The following USP54 variants were observed in gnomAD, a reference collection of about 807,000 sequenced individuals.
The protein encoded by USP54 is ubiquitin carboxyl-terminal hydrolase 54.
In USP54, 87 loss-of-function variants were observed where a neutral mutation model predicts 170.5. The ratio of observed to expected loss-of-function variants is 0.51; its 90% CI spans 0.43 to 0.61. The LOEUF (loss-of-function observed/expected upper bound fraction) is 0.61, where lower values mean the gene tolerates loss of function less well. Among genes scored for constraint, USP54 ranks in the 20% least tolerant of loss-of-function variants. USP54 has a pLI of 0.00. For missense variants in USP54, 1,786 were observed against 2,047.8 expected (o/e 0.87, Z 2.47); for synonymous variants, 655 against 742.8 (o/e 0.88, Z 1.92).
At chr10:73,584,423 C>T (rs2077246395) in intron 1 of USP54, among the ~76,000 whole-genome samples, 1 of 151,942 alleles carries the variant, frequency 6.6e-6, no homozygotes, top group Non-Finnish European at 1.5e-5. Flanking sequence ...AGTTTGTGAT[C>T]CTACAATCCA....
intron 23 of USP54, among the ~76,000 whole-genome samples, 197 bp downstream of exon 23, chr10:73,500,458 T>C (rs922316261): frequency 1.3e-5 from 2 of 152,230 alleles, no homozygotes; most frequent in African/African-American, 4.8e-5. Context: ...TCTAAACCCT[T>C]GGTCTAAGAA....
chr10:73,606,541 A>C (rs2079645019), intron 1 of USP54: 1 of 152,204 alleles, frequency 6.6e-6, no homozygotes, highest in Non-Finnish European at 1.5e-5. Context: ...TGCTTTTCTC[A>C]TTTCAAAAAA....
intron 5 of USP54, 93 bp downstream of exon 5, chr10:73,545,445 G>GCA: frequency 6.6e-7 from 1 of 1,508,018 alleles, no homozygotes; most frequent in South Asian, 1.2e-5. Flanking sequence ...AGAGATAAGG[G>GCA]CACAGCAAAT....
chr10:73,564,901 C>CAAAAA (rs199823108), intron 4 of USP54, among the ~76,000 whole-genome samples: 1 of 66,436 alleles, frequency 1.5e-5, no homozygotes, highest in African/African-American at 6.0e-5. Flanking sequence ...TCATCTCTAC[C>CAAAAA]AAAAAAAAAA....
At position 73,575,634 on chromosome 10, in the gene USP54, A is replaced by T. The variant is rs1333668522; in HGVS notation, c.25T>A (p.Ser9Thr). 6.2e-7 allele frequency: 1 copy of T among 1,609,560 alleles called. No individual in the cohort carries two copies. The highest frequency in any genetic ancestry group is 2.2e-5 in the East Asian group (1 of 44,822). ...CCTTGTACACTACCACGACCCCCTG[A>T]AAAATAATTTCTCTTCCAAGACATT... is the stretch of plus-strand genomic sequence containing the variant. MSWKRNYF[S>T]GGRGSVQGMF... Residue 9 changes from serine (S) to threonine (T), a missense_variant, in exon 3 of 24, where the codon TCA becomes ACA. This residue lies in a region of USP54 where 361 missense variants were observed against 455.0 expected (regional missense o/e 0.79). Coordinates refer to ENST00000687698, the MANE Select transcript of USP54 (RefSeq NM_001391956.1).
intron 1 of USP54, among the ~76,000 whole-genome samples, chr10:73,583,755 TAAA>T (rs577232389): frequency 1.4e-5 from 2 of 140,802 alleles, no homozygotes; most frequent in African/African-American, 5.2e-5. Flanking sequence ...TCTTTAAAAA[TAAA>T]AAAAAAATAA....
chr10:73,575,690 G>C lies in USP54; in HGVS notation c.-17-15C>G. On this transcript the variant is annotated splice_polypyrimidine_tract_variant and intron_variant, in intron 2 of 23. Coordinates refer to ENST00000687698, the MANE Select transcript of USP54 (RefSeq NM_001391956.1). ...TCACATTTAGCCTGAAAAAAAAATGGAGAAGGATTTGTGCCTTTTTGGCAG... is the reference window on the plus strand; with the variant it reads ...TCACATTTAGCCTGAAAAAAAAATGCAGAAGGATTTGTGCCTTTTTGGCAG... 6.5e-7 allele frequency: 1 copy of C among 1,542,500 alleles called. No homozygotes were observed. The highest frequency in any genetic ancestry group is 2.3e-5 in the East Asian group (1 of 42,890).
intron 1 of USP54, among the ~76,000 whole-genome samples, chr10:73,608,031 G>A (rs1430166385): frequency 6.6e-6 from 1 of 152,086 alleles, no homozygotes; most frequent in Non-Finnish European, 1.5e-5. Context: ...GGAGGCCAAG[G>A]CGGGTGGATC....
At chr10:73,520,215 TA>T in intron 18 of USP54, 1 of 601,526 alleles carries the variant, frequency 1.7e-6, no homozygotes. Flanking sequence ...TAATCCAAAT[TA>T]AAAAAACAAA....
chr10:73,534,514 T>A (rs1355752984), intron 12 of USP54, 86 bp downstream of exon 12: 5 of 1,485,722 alleles, frequency 3.4e-6, no homozygotes, highest in Admixed American at 2.0e-5. Flanking sequence ...TGTGAGCCAC[T>A]GCGCCTGGCC....
At chr10:73,605,559 T>A (rs558458521) in intron 1 of USP54, among the ~76,000 whole-genome samples, 3 of 152,098 alleles carry the variant, frequency 2.0e-5, no homozygotes, top group Non-Finnish European at 4.4e-5. Context: ...TGTATACCCA[T>A]GTTCATAGCA....
At chr10:73,590,302 T>A (rs1463625129) in intron 1 of USP54, among the ~76,000 whole-genome samples, 2 of 152,116 alleles carry the variant, frequency 1.3e-5, no homozygotes, top group Non-Finnish European at 2.9e-5. Flanking sequence ...GCTCAAGAAA[T>A]CATTACTGTA....
intron 17 of USP54, 37 bp from the exon 18 acceptor site, chr10:73,521,064 C>A (rs1589977974): frequency 6.2e-7 from 1 of 1,610,670 alleles, no homozygotes; most frequent in East Asian, 2.2e-5. Flanking sequence ...CATTACAATT[C>A]ATTCCAAATT....
chr10:73,609,334 A>G (rs1186960735), intron 1 of USP54, among the ~76,000 whole-genome samples: 3 of 152,252 alleles, frequency 2.0e-5, no homozygotes, highest in Admixed American at 2.0e-4. Context: ...TGCACAGAGA[A>G]ATAAAAGCTC....
At position 73,614,561 on chromosome 10, in the gene USP54, C is replaced by CAA. The variant is rs60519884; in HGVS notation, c.-18+11004_-18+11005dup. ...GGCAACAAAAGTGAGACTCCGTCTC[C>CAA]AAAAAAAAAAAAAAAAAAAAAGGAA... On this transcript the variant is annotated intron_variant, in intron 1 of 22. Coordinates refer to the USP54 transcript ENST00000339859. 2.0e-3 allele frequency among the ~76,000 whole-genome samples: 99 copies of CAA among 49,918 alleles called. 1 individual carries two copies. Among genetic ancestry groups the CAA allele is most frequent in the African/African-American group, 5.1e-3 (60 of 11,780 alleles). The allele number at this position is 49,918 out of a possible 152,430, so 32.7% of individuals were successfully genotyped here. A position where few individuals can be genotyped will look rare whatever the true frequency, so the allele number is the denominator to read the frequency against.
At chr10:73,523,228 C>G (rs1564682922) in intron 17 of USP54, among the ~76,000 whole-genome samples, 1 of 152,196 alleles carries the variant, frequency 6.6e-6, no homozygotes, top group Non-Finnish European at 1.5e-5. Context: ...TATGTTTCTT[C>G]CCAGCAAGTA....
rs1455545473 is a variant in USP54, at chr10:73,541,462, G to A, written c.738C>T (p.Ile246=). 4 of 1,614,150 alleles carry A rather than the reference G, an allele frequency of 2.5e-6. No individual in the cohort carries two copies. The South Asian group carries it at 3.3e-5, about 13-fold the overall frequency. ...RRVLMNAPQI[I]TIGLVWDSDH... is the part of the protein sequence containing the mutation. The stretch of plus-strand genomic sequence containing the variant: ...CTGAGTCCCATACCAGCCCAATCGT[G>A]ATAATCTGTGGAGCATTCATCAACA... Residue 246 remains isoleucine, a synonymous_variant, in exon 9 of 24, where the codon ATC becomes ATT. Transcript: ENST00000687698.
At chr10:73,549,655 C>T (rs1478992813) in intron 4 of USP54, among the ~76,000 whole-genome samples, 1 of 152,148 alleles carries the variant, frequency 6.6e-6, no homozygotes, top group East Asian at 1.9e-4. Context: ...TATATCTAGA[C>T]CCTACACTGT....
intron 4 of USP54, among the ~76,000 whole-genome samples, chr10:73,556,324 A>C (rs542904154): frequency 4.0e-5 from 6 of 151,646 alleles, no homozygotes; most frequent in Non-Finnish European, 7.4e-5. Flanking sequence ...ATAATGAACA[A>C]TGGGTAATTT....
Sources: gnomAD v4.1 joint callset for allele counts (sites outside exome capture counted in the v4.1 genomes callset) on GRCh38, gnomAD v4.1.1 for gene constraint, gnomAD v4.1.1 regional missense constraint, MANE v1.5 for transcripts, NCBI Gene and HGNC (gene_info 2026-07-23, HGNC 2026-07-21) for gene names.